The following CC2D2A variants were observed in gnomAD, a reference collection of about 807,000 sequenced individuals.
CC2D2A encodes the protein coiled-coil and C2 domain containing 2A.
In CC2D2A, 155 loss-of-function variants were observed where a neutral mutation model predicts 212.9. The ratio of observed to expected loss-of-function variants is 0.73; its 90% CI spans 0.64 to 0.83. The LOEUF is 0.83. Among genes scored for constraint, CC2D2A ranks in the 40% least tolerant of loss-of-function variants. The pLI, the probability that CC2D2A is intolerant of heterozygous loss-of-function variation, is 0.00. For synonymous variants in CC2D2A, 667 were observed against 686.5 expected (o/e 0.97, Z 0.44); for missense variants, 1,856 against 1,956.2 (o/e 0.95, Z 0.97).
intron 35 of CC2D2A, 111 bp from the exon 36 acceptor site, chr4:15,599,418 T>A: frequency 1.5e-6 from 1 of 666,106 alleles, no homozygotes; most frequent in Non-Finnish European, 2.5e-6. Context: ...CACAACTCCA[T>A]CAACAAAAAT....
chr4:15,480,135 G>A (rs1714532074), intron 3 of CC2D2A, among the ~76,000 whole-genome samples: 1 of 152,154 alleles, frequency 6.6e-6, no homozygotes, highest in African/African-American at 2.4e-5. Flanking sequence ...TTCTTTTACA[G>A]ATAAGAAAGC....
chr4:15,585,977 A>G, intron 30 of CC2D2A, among the ~76,000 whole-genome samples, 180 bp from the exon 31 acceptor site: 1 of 152,246 alleles, frequency 6.6e-6, no homozygotes, highest in East Asian at 1.9e-4. Context: ...GGTAATAACA[A>G]TAACCTTCCA....
chr4:15,577,400 G>A (rs1720461314), intron 29 of CC2D2A, among the ~76,000 whole-genome samples: 1 of 152,166 alleles, frequency 6.6e-6, no homozygotes, highest in African/African-American at 2.4e-5. Flanking sequence ...ATTTTCTGTT[G>A]AATCAAACTG....
At chr4:15,484,829 T>G (rs916804142) in intron 4 of CC2D2A, among the ~76,000 whole-genome samples, 1 of 152,042 alleles carries the variant, frequency 6.6e-6, no homozygotes, top group Non-Finnish European at 1.5e-5. Flanking sequence ...CAAGTGGACA[T>G]GGATGTATGG....
At chr4:15,474,087 T>C (rs539269740) in intron 1 of CC2D2A, among the ~76,000 whole-genome samples, 53 of 152,222 alleles carry the variant, frequency 3.5e-4, no homozygotes, top group Admixed American at 1.4e-3. Flanking sequence ...CATAATGAGA[T>C]GGCCAGAGGA....
At chr4:15,495,882 T>C (rs995764790) in intron 4 of CC2D2A, among the ~76,000 whole-genome samples, 3 of 152,196 alleles carry the variant, frequency 2.0e-5, no homozygotes, top group Non-Finnish European at 2.9e-5. Flanking sequence ...TCTCCTCAAC[T>C]TTGCCAGCAT....
chr4:15,578,835 T>A (rs1720527293), intron 29 of CC2D2A, among the ~76,000 whole-genome samples: 1 of 151,254 alleles, frequency 6.6e-6, no homozygotes. Flanking sequence ...AGAGACAGGG[T>A]CCCATTATGT....
At chr4:15,479,976 C>T (rs961670828) in intron 3 of CC2D2A, among the ~76,000 whole-genome samples, 1 of 152,172 alleles carries the variant, frequency 6.6e-6, no homozygotes, top group South Asian at 2.1e-4. Context: ...TTGCAAGAAA[C>T]GTAGTTGCAC....
chr4:15,595,103 G>T (rs896705870), intron 33 of CC2D2A, among the ~76,000 whole-genome samples: 3 of 152,146 alleles, frequency 2.0e-5, no homozygotes, highest in African/African-American at 7.2e-5. Context: ...GTGTGAGCCT[G>T]CCTGTTTACT....
At position 15,505,780 on chromosome 4, in the gene CC2D2A, TAAG is replaced by T. The variant is rs1481619215; in HGVS notation, c.438+2863_438+2865del. On this transcript the variant is annotated intron_variant, in intron 6 of 36. Coordinates refer to ENST00000424120, the MANE Select transcript of CC2D2A (RefSeq NM_001378615.1). ...CTTCAAAGGAAACCATTGAACAAGGTAAGAAGAACACATGAAATGGAGAAGTTA... is the reference window on the plus strand; with the variant it reads ...CTTCAAAGGAAACCATTGAACAAGGTAAGAACACATGAAATGGAGAAGTTA... Among the ~76,000 whole-genome samples, 19 of 152,182 alleles carry T rather than the reference TAAG, an allele frequency of 1.2e-4. 1 individual carries two copies. Among genetic ancestry groups the T allele is most frequent in the Non-Finnish European group, 2.9e-5 (2 of 68,016 alleles).
intron 28 of CC2D2A, among the ~76,000 whole-genome samples, chr4:15,572,216 T>C (rs1436716456): frequency 6.6e-6 from 1 of 152,184 alleles, no homozygotes; most frequent in African/African-American, 2.4e-5. Flanking sequence ...CAATTGGCAT[T>C]GTCATCCTCA....
intron 11 of CC2D2A, among the ~76,000 whole-genome samples, chr4:15,525,727 G>T (rs1014271219): frequency 6.6e-6 from 1 of 152,172 alleles, no homozygotes; most frequent in Non-Finnish European, 1.5e-5. Context: ...AATAGTTCTC[G>T]ATATATAAGA....
At position 15,559,270 on chromosome 4, in the gene CC2D2A, A is replaced by C; in HGVS notation, c.2922+13A>C. ...GTACCTCCAGCAGGTAAGAAAAATCATATAAAACTGTCTTCATAGGGAGAA... is the reference window on the plus strand; with the variant it reads ...GTACCTCCAGCAGGTAAGAAAAATCCTATAAAACTGTCTTCATAGGGAGAA... On this transcript the variant is annotated intron_variant, in intron 22 of 36. Coordinates refer to ENST00000424120, the MANE Select transcript of CC2D2A (RefSeq NM_001378615.1). 1 of 1,503,098 alleles carries C rather than the reference A, an allele frequency of 6.7e-7. No individual in the cohort carries two copies. Among genetic ancestry groups the C allele is most frequent in the African/African-American group, 1.4e-5 (1 of 72,158 alleles). The allele number at this position is 1,503,098 out of a possible 1,614,324, so 93.1% of individuals were successfully genotyped here.
At chr4:15,477,727 T>TCACATACACA (rs1474711046) in intron 2 of CC2D2A, among the ~76,000 whole-genome samples, 1 of 152,042 alleles carries the variant, frequency 6.6e-6, no homozygotes. Context: ...AGAGATCAGG[T>TCACATACACA]CACATACACA....
chr4:15,595,944 C>A (rs533655669), intron 33 of CC2D2A, 141 bp from the exon 34 acceptor site: 19 of 504,054 alleles, frequency 3.8e-5, no homozygotes, highest in African/African-American at 3.4e-4. Flanking sequence ...TTTTTATAAT[C>A]AAAAAATGAC....
At chr4:15,545,860 G>A (rs564087027) in intron 17 of CC2D2A, among the ~76,000 whole-genome samples, 1 of 152,262 alleles carries the variant, frequency 6.6e-6, no homozygotes, top group African/African-American at 2.4e-5. Flanking sequence ...TATCATCCCA[G>A]CACTTTGGGA....
At chr4:15,540,287 TG>T (rs1433285020) in intron 16 of CC2D2A, among the ~76,000 whole-genome samples, 1 of 151,832 alleles carries the variant, frequency 6.6e-6, no homozygotes, top group Non-Finnish European at 1.5e-5. Context: ...AATGGGAGGT[TG>T]TTTTTTTTTT....
intron 23 of CC2D2A, among the ~76,000 whole-genome samples, chr4:15,561,766 G>A (rs184850648): frequency 1.1e-3 from 160 of 152,272 alleles, no homozygotes; most frequent in Non-Finnish European, 1.7e-3. Context: ...GACAATGGAA[G>A]AGTGTTGTCA....
intron 24 of CC2D2A, among the ~76,000 whole-genome samples, chr4:15,566,218 A>G (rs1719874146): frequency 6.6e-6 from 1 of 152,208 alleles, no homozygotes; most frequent in South Asian, 2.1e-4. Flanking sequence ...GGAGAAGAGG[A>G]TAAGACTCGC....
Sources: allele counts gnomAD v4.1 joint callset (sites outside exome capture counted in the v4.1 genomes callset), GRCh38; gene constraint gnomAD v4.1.1; transcripts MANE v1.5; gene names NCBI Gene and HGNC (gene_info 2026-07-23, HGNC 2026-07-21).